Variants in LRRC4C observed in about 807,000 individuals in gnomAD.
LRRC4C encodes leucine rich repeat containing 4C, also known as leucine-rich repeat-containing protein 4C.
LRRC4C carries 5 observed loss-of-function variants against 33.6 expected under a neutral mutation model. That is an observed-to-expected ratio of 0.15 (90% CI 0.08 to 0.31). The LOEUF (loss-of-function observed/expected upper bound fraction) is 0.31, where lower values mean the gene tolerates loss of function less well. Ranked by LOEUF, LRRC4C falls within the 10% of genes least tolerant of loss-of-function variation. The pLI is 1.00. For synonymous variants in LRRC4C, 329 were observed against 302.0 expected (o/e 1.09, Z -0.93); for missense variants, 560 against 796.7 (o/e 0.70, Z 3.58).
At chr11:41,149,274 G>A (rs907478335) in intron 1 of LRRC4C, among the ~76,000 whole-genome samples, 42 of 152,102 alleles carry the variant, frequency 2.8e-4, no homozygotes, top group African/African-American at 9.7e-4. Flanking sequence ...GGGAGGCCGA[G>A]GCGGGCGGAT....
intron 1 of LRRC4C, among the ~76,000 whole-genome samples, chr11:40,951,008 G>A (rs1958668248): frequency 6.6e-6 from 1 of 151,718 alleles, no homozygotes. Flanking sequence ...AGTACACGAT[G>A]CACCCAGATA....
intron 1 of LRRC4C, among the ~76,000 whole-genome samples, chr11:41,362,546 G>A (rs909948886): frequency 6.6e-6 from 1 of 151,838 alleles, no homozygotes; most frequent in Non-Finnish European, 1.5e-5. Flanking sequence ...TCACTAAGGG[G>A]GTCCAGGGAG....
At chr11:40,872,870 AT>A (rs1320607353) in intron 2 of LRRC4C, among the ~76,000 whole-genome samples, 2 of 152,202 alleles carry the variant, frequency 1.3e-5, no homozygotes, top group Non-Finnish European at 2.9e-5. Context: ...TCAGGATCAC[AT>A]TTTTTAATTG....
chr11:40,153,396 G>GA lies in LRRC4C; in HGVS notation c.-95-12544dup, dbSNP rs1176823787. Among the ~76,000 whole-genome samples the GA allele has an allele frequency of 6.6e-5, 10 of 151,954 alleles. 1 individual carries two copies. Among genetic ancestry groups the GA allele is most frequent in the Admixed American group, 3.9e-4 (6 of 15,256 alleles). On this transcript the variant is annotated intron_variant, in intron 5 of 6. Coordinates refer to ENST00000528697, the MANE Select transcript of LRRC4C (RefSeq NM_001258419.2). ...AAAACAAGGCTCTTCAACACCCCCTGAAAATCACACTAGTTCACCAGCAAT... is the reference window on the plus strand; with the variant it reads ...AAAACAAGGCTCTTCAACACCCCCTGAAAAATCACACTAGTTCACCAGCAAT...
intron 1 of LRRC4C, among the ~76,000 whole-genome samples, chr11:41,372,683 C>T (rs1952794179): frequency 6.6e-6 from 1 of 151,468 alleles, no homozygotes. Flanking sequence ...TGCTAACATC[C>T]ATCCTTGAGG....
At chr11:41,225,447 GA>G (rs1327606288) in intron 1 of LRRC4C, among the ~76,000 whole-genome samples, 2 of 151,692 alleles carry the variant, frequency 1.3e-5, no homozygotes, top group African/African-American at 2.4e-5. Flanking sequence ...ACAAAAATTA[GA>G]AAAAAATATT....
intron 2 of LRRC4C, among the ~76,000 whole-genome samples, chr11:40,735,846 C>T (rs1947836489): frequency 6.6e-6 from 1 of 150,658 alleles, no homozygotes; most frequent in African/African-American, 2.5e-5. Context: ...TTAATGATCG[C>T]CATTCTAACT....
At chr11:40,924,222 T>C (rs1957321052) in intron 2 of LRRC4C, among the ~76,000 whole-genome samples, 1 of 151,498 alleles carries the variant, frequency 6.6e-6, no homozygotes, top group Non-Finnish European at 1.5e-5. Context: ...CTCACACCCA[T>C]TGTTGAGAGT....
chr11:41,224,103 G>A (rs549564656), intron 1 of LRRC4C, among the ~76,000 whole-genome samples: 2 of 152,148 alleles, frequency 1.3e-5, no homozygotes, highest in South Asian at 4.2e-4. Context: ...CAATACTTTT[G>A]TGACTTAAGA....
rs115771140 is a variant in LRRC4C, at chr11:40,838,411, G to A, written c.-407+95224C>T. On this transcript the variant is annotated intron_variant, in intron 2 of 6. Coordinates refer to ENST00000528697, the MANE Select transcript of LRRC4C (RefSeq NM_001258419.2). ...TGGCCATTCAGCTCATGAAAAATGT[G>A]CATTGAAAATTTCATCTGATTTATC... Among the ~76,000 whole-genome samples, 1,066 of 152,200 alleles carry A rather than the reference G, an allele frequency of 7.0e-3. 22 individuals are homozygous for A. The highest frequency in any genetic ancestry group is 0.024 in the African/African-American group (1,012 of 41,532).
intron 5 of LRRC4C, among the ~76,000 whole-genome samples, chr11:40,208,482 T>A (rs966840909): frequency 6.7e-6 from 1 of 149,956 alleles, no homozygotes; most frequent in Non-Finnish European, 1.5e-5. Context: ...GAAGTACTAA[T>A]TTTTTTTAGT....
intron 1 of LRRC4C, among the ~76,000 whole-genome samples, chr11:41,105,202 G>A (rs537707): frequency 0.033 from 4,974 of 151,802 alleles, 286 homozygotes; most frequent in African/African-American, 0.11. Context: ...TCTACACACC[G>A]TGGTCCCTTT....
chr11:40,169,204 C>T (rs1859845068), intron 5 of LRRC4C, among the ~76,000 whole-genome samples: 1 of 152,016 alleles, frequency 6.6e-6, no homozygotes, highest in Non-Finnish European at 1.5e-5. Context: ...TAAATAGGAA[C>T]CTAGTATTCT....
intron 3 of LRRC4C, among the ~76,000 whole-genome samples, chr11:40,346,221 A>G (rs1165453437): frequency 1.3e-5 from 2 of 152,210 alleles, no homozygotes; most frequent in African/African-American, 4.8e-5. Context: ...ATGAATATAA[A>G]TTGTTCTGTT....
intron 2 of LRRC4C, among the ~76,000 whole-genome samples, chr11:40,876,732 A>G (rs1954912034): frequency 6.6e-6 from 1 of 151,660 alleles, no homozygotes; most frequent in East Asian, 2.0e-4. Context: ...GTGAAACCCC[A>G]TCTCTACTAA....
At chr11:40,138,145 C>T (rs1045534640) in intron 6 of LRRC4C, among the ~76,000 whole-genome samples, 2 of 151,624 alleles carry the variant, frequency 1.3e-5, no homozygotes, top group South Asian at 2.1e-4. Context: ...CTGCTAGCTA[C>T]GTAAATTTGG....
At chr11:40,623,784 G>A (rs553280061) in intron 3 of LRRC4C, among the ~76,000 whole-genome samples, 1 of 152,028 alleles carries the variant, frequency 6.6e-6, no homozygotes, top group Non-Finnish European at 1.5e-5. Flanking sequence ...CAGGGAACAT[G>A]TAAGAATGCA....
chr11:41,118,131 A>C (rs1400665991), intron 1 of LRRC4C, among the ~76,000 whole-genome samples: 2 of 152,138 alleles, frequency 1.3e-5, no homozygotes, highest in Non-Finnish European at 2.9e-5. Context: ...TCAAAACCTA[A>C]AGAATTGTAT....
chr11:40,753,057 T>C (rs140123154), intron 2 of LRRC4C, among the ~76,000 whole-genome samples: 1 of 152,062 alleles, frequency 6.6e-6, no homozygotes, highest in Admixed American at 6.6e-5. Context: ...TTCTTAATTT[T>C]ATTTTATTTT....
Sources: allele counts gnomAD v4.1 joint callset (sites outside exome capture counted in the v4.1 genomes callset), GRCh38; gene constraint gnomAD v4.1.1; transcripts MANE v1.5; gene names NCBI Gene and HGNC (gene_info 2026-07-23, HGNC 2026-07-21).